Variants in LGSN observed in about 807,000 individuals in gnomAD.
LGSN encodes lengsin.
LGSN carries 21 observed loss-of-function variants against 19.5 expected under a neutral mutation model. That is an observed-to-expected ratio of 1.07 (90% CI 0.76 to 1.55). The LOEUF is 1.55. Ranked by LOEUF, LGSN falls within the 40% of genes most tolerant of loss-of-function variation. The pLI is 0.00. For synonymous variants in LGSN, 257 were observed against 215.6 expected (o/e 1.19, Z -1.68); for missense variants, 673 against 608.5 (o/e 1.11, Z -1.12).
the LGSN span, among the ~76,000 whole-genome samples, chr6:63,379,794 G>T: frequency 1.3e-5 from 2 of 152,116 alleles, no homozygotes; most frequent in Admixed American, 6.5e-5. Context: ...TTGCAGGCTT[G>T]TAAAATGTTG....
chr6:63,535,612 G>A, the LGSN span, among the ~76,000 whole-genome samples: 4 of 152,112 alleles, frequency 2.6e-5, no homozygotes, highest in Admixed American at 1.3e-4. Context: ...ATGAGGTATC[G>A]AATGTTAATA....
the LGSN span, among the ~76,000 whole-genome samples, chr6:63,333,957 TG>T: frequency 6.6e-6 from 1 of 152,174 alleles, no homozygotes; most frequent in Non-Finnish European, 1.5e-5. Flanking sequence ...AAAAACTTGG[TG>T]TAGAAAATAT....
At chr6:63,526,669 G>A in the LGSN span, among the ~76,000 whole-genome samples, 46 of 151,394 alleles carry the variant, frequency 3.0e-4, no homozygotes, top group African/African-American at 9.7e-4. Context: ...TTAGCTGGAC[G>A]TGGTGGCGTG....
At chr6:63,299,723 A>G (rs1241968364) in intron 1 of LGSN, among the ~76,000 whole-genome samples, 1 of 152,118 alleles carries the variant, frequency 6.6e-6, no homozygotes, top group Admixed American at 6.5e-5. Flanking sequence ...TGTATCAGAT[A>G]TTTCTTTCTG....
the LGSN span, among the ~76,000 whole-genome samples, chr6:63,482,682 C>T: frequency 6.6e-6 from 1 of 152,074 alleles, no homozygotes; most frequent in South Asian, 2.1e-4. Flanking sequence ...GCCGAAATCA[C>T]ACCAAAATCC....
the LGSN span, among the ~76,000 whole-genome samples, chr6:63,508,967 AGG>A: frequency 6.6e-6 from 1 of 151,480 alleles, no homozygotes; most frequent in African/African-American, 2.4e-5. Context: ...TGACTGAGTG[AGG>A]TGATAGTTAC....
chr6:63,432,526 C>A, the LGSN span, among the ~76,000 whole-genome samples: 1 of 151,606 alleles, frequency 6.6e-6, no homozygotes, highest in East Asian at 1.9e-4. Flanking sequence ...CCCGACTCTA[C>A]TAAAAATACA....
the LGSN span, among the ~76,000 whole-genome samples, chr6:63,429,722 C>A: frequency 7.6e-6 from 1 of 131,812 alleles, no homozygotes; most frequent in Non-Finnish European, 1.6e-5. Flanking sequence ...ATGGACAGAG[C>A]AAGACTCCAT....
In LGSN at chr6:63,278,107, G is replaced by A. The variant is rs553025923; in HGVS notation, c.*1914C>T. ...AAAAAAAAAATACAAGAAAAGAAAA[G>A]AAAATGTCCTAAAGAACTTATATGC... is the stretch of plus-strand genomic sequence containing the variant. On this transcript the variant is annotated 3_prime_UTR_variant, in exon 4 of 4. Transcript: ENST00000370657. 2 of 150,690 alleles carry A rather than the reference G, an allele frequency of 1.3e-5. No homozygotes were observed. The highest frequency in any genetic ancestry group is 1.3e-4 in the Admixed American group (2 of 15,128). The allele number at this position is 150,690 out of a possible 1,614,324, so 9.3% of individuals were successfully genotyped here.
chr6:63,446,844 G>A, the LGSN span, among the ~76,000 whole-genome samples: 13 of 152,228 alleles, frequency 8.5e-5, no homozygotes, highest in African/African-American at 2.9e-4. Context: ...GAGGTTGGGA[G>A]TTTGAGACCA....
chr6:63,353,805 C>A, the LGSN span, among the ~76,000 whole-genome samples: 4 of 152,012 alleles, frequency 2.6e-5, no homozygotes, highest in Admixed American at 2.6e-4. Flanking sequence ...GACACATAGA[C>A]CAATGAAACA....
the LGSN span, among the ~76,000 whole-genome samples, chr6:63,444,014 A>T: frequency 6.6e-6 from 1 of 152,184 alleles, no homozygotes; most frequent in Non-Finnish European, 1.5e-5. Context: ...TAAACAAAAA[A>T]TGCCACTGTC....
the LGSN span, among the ~76,000 whole-genome samples, chr6:63,348,939 C>A: frequency 6.6e-6 from 1 of 151,910 alleles, no homozygotes; most frequent in Admixed American, 6.6e-5. Context: ...CAAAGGGGAA[C>A]AAGTTAATGC....
the LGSN span, among the ~76,000 whole-genome samples, chr6:63,398,480 A>T: frequency 1.3e-5 from 2 of 152,120 alleles, no homozygotes; most frequent in African/African-American, 2.4e-5. Flanking sequence ...AATAGAAAAA[A>T]TGCTTTTAGA....
the LGSN span, among the ~76,000 whole-genome samples, chr6:63,432,102 AAAGAAAGAAAGAAAGAAAGAAAG>A: frequency 1.1e-5 from 1 of 87,938 alleles, no homozygotes; most frequent in Admixed American, 1.3e-4. Flanking sequence ...AGAAAGAAAG[AAAGAAAGAAAGAAAGAAAGAAAG>A]AAAGAAAGAA....
At chr6:63,304,252 C>G (rs565321524) in intron 1 of LGSN, among the ~76,000 whole-genome samples, 1 of 152,102 alleles carries the variant, frequency 6.6e-6, no homozygotes, top group Admixed American at 6.5e-5. Flanking sequence ...AAAACATTGC[C>G]AAGAGGCCTT....
the LGSN span, among the ~76,000 whole-genome samples, chr6:63,456,392 T>TAC: frequency 8.5e-6 from 1 of 117,594 alleles, no homozygotes; most frequent in African/African-American, 3.5e-5. Context: ...TATATATATA[T>TAC]ACTTTTTTTT....
chr6:63,543,220 G>A, the LGSN span, among the ~76,000 whole-genome samples: 2 of 152,294 alleles, frequency 1.3e-5, no homozygotes, highest in East Asian at 3.9e-4. Context: ...TTTTAAAACT[G>A]AAAGTTCCTT....
the LGSN span, among the ~76,000 whole-genome samples, chr6:63,510,660 A>ATTT: frequency 5.4e-4 from 61 of 111,998 alleles, 1 homozygote; most frequent in Non-Finnish European, 7.1e-4. Context: ...CAAGAAGCGA[A>ATTT]TTTTTTTTTT....
Sources: allele counts gnomAD v4.1 joint callset (sites outside exome capture counted in the v4.1 genomes callset), GRCh38; gene constraint gnomAD v4.1.1; transcripts MANE v1.5; gene names NCBI Gene and HGNC (gene_info 2026-07-23, HGNC 2026-07-21).